NR3C2: variants seen among roughly 807,000 people sequenced by gnomAD.
NR3C2 encodes nuclear receptor subfamily 3 group C member 2, also known as mineralocorticoid receptor.
In NR3C2, 15 loss-of-function variants were observed where a neutral mutation model predicts 86.4. The ratio of observed to expected loss-of-function variants is 0.17; its 90% confidence interval spans 0.12 to 0.27. The LOEUF (loss-of-function observed/expected upper bound fraction) is 0.27, where lower values mean the gene tolerates loss of function less well. Ranked by LOEUF, NR3C2 falls within the 10% of genes least tolerant of loss-of-function variation. The pLI, the probability that NR3C2 is intolerant of heterozygous loss-of-function variation, is 1.00. For synonymous variants in NR3C2, 458 were observed against 450.5 expected (o/e 1.02, Z -0.21); for missense variants, 960 against 1,195.6 (o/e 0.80, Z 2.91).
chr4:148,089,994 C>T (rs1270097252), intron 8 of NR3C2, among the ~76,000 whole-genome samples: 1 of 152,210 alleles, frequency 6.6e-6, no homozygotes, highest in South Asian at 2.1e-4. Context: ...ACCACAAGGA[C>T]GAGTGTCTGG....
At chr4:148,443,456 G>C (rs1026880802), upstream of NR3C2, among the ~76,000 whole-genome samples, 6 of 152,138 alleles carry the variant, frequency 3.9e-5, no homozygotes, top group South Asian at 4.2e-4. Context: ...CAGACAGGAG[G>C]GGGGAAGGAA....
intron 2 of NR3C2, among the ~76,000 whole-genome samples, chr4:148,394,591 C>T (rs1409216410): frequency 6.6e-6 from 1 of 151,626 alleles, no homozygotes; most frequent in African/African-American, 2.4e-5. Flanking sequence ...ACCCAGAAGG[C>T]TAAGGTGGGA....
intron 2 of NR3C2, among the ~76,000 whole-genome samples, chr4:148,290,347 A>C (rs1046209611): frequency 4.6e-5 from 7 of 152,090 alleles, no homozygotes; most frequent in African/African-American, 1.4e-4. Context: ...ACAACATACA[A>C]ATTTGGTGGG....
chr4:148,359,675 C>G (rs140512281), intron 2 of NR3C2, among the ~76,000 whole-genome samples: 9 of 152,310 alleles, frequency 5.9e-5, no homozygotes, highest in Non-Finnish European at 1.0e-4. Flanking sequence ...CTCCCACTTT[C>G]TCCATATTTT....
upstream of NR3C2, chr4:148,443,942 G>A (rs943663197): frequency 9.4e-6 from 9 of 960,508 alleles, no homozygotes; most frequent in Non-Finnish European, 1.1e-5. Flanking sequence ...CGGCAGCGCC[G>A]CGAGCTGGTC....
chr4:148,221,162 C>T (rs1426331587), intron 3 of NR3C2, among the ~76,000 whole-genome samples: 1 of 152,246 alleles, frequency 6.6e-6, no homozygotes, highest in African/African-American at 2.4e-5. Flanking sequence ...TCAGCTTGCT[C>T]ATCTATCTCC....
chr4:148,142,427 A>G (rs960320278), intron 6 of NR3C2, among the ~76,000 whole-genome samples: 1 of 152,072 alleles, frequency 6.6e-6, no homozygotes, highest in African/African-American at 2.4e-5. Flanking sequence ...GTCTCATGTT[A>G]AATTGTAATC....
At chr4:148,259,320 A>G (rs1739980557) in intron 3 of NR3C2, among the ~76,000 whole-genome samples, 1 of 152,250 alleles carries the variant, frequency 6.6e-6, no homozygotes. Flanking sequence ...CTAACTGCTT[A>G]TAAGTGAGGA....
intron 4 of NR3C2, among the ~76,000 whole-genome samples, chr4:148,189,031 G>A (rs1279357304): frequency 2.7e-5 from 4 of 150,782 alleles, no homozygotes; most frequent in South Asian, 2.1e-4. Context: ...GGGTTCATGC[G>A]ATTCTCCTGC....
At chr4:148,408,225 T>C (rs781385570) in intron 2 of NR3C2, among the ~76,000 whole-genome samples, 2 of 152,122 alleles carry the variant, frequency 1.3e-5, no homozygotes, top group African/African-American at 2.4e-5. Context: ...AGGAAAGGGG[T>C]GTTACATGTC....
At chr4:148,082,028 C>T (rs1359011109) in intron 8 of NR3C2, among the ~76,000 whole-genome samples, 1 of 152,218 alleles carries the variant, frequency 6.6e-6, no homozygotes, top group African/African-American at 2.4e-5. Flanking sequence ...AAGGGGCCAG[C>T]TGGCACTTCC....
intron 2 of NR3C2, among the ~76,000 whole-genome samples, chr4:148,299,452 T>C (rs1471590789): frequency 6.6e-6 from 1 of 152,142 alleles, no homozygotes; most frequent in Non-Finnish European, 1.5e-5. Context: ...GGGACTGTAA[T>C]GGCACCACCT....
intron 3 of NR3C2, among the ~76,000 whole-genome samples, chr4:148,195,836 T>A (rs28696003): frequency 0.031 from 4,656 of 151,432 alleles, 248 homozygotes; most frequent in African/African-American, 0.11. Context: ...GAGAAGAGAG[T>A]AAGAAAAGAC....
chr4:148,385,661 GAGAA>G (rs1388447684), intron 2 of NR3C2, among the ~76,000 whole-genome samples: 1 of 152,108 alleles, frequency 6.6e-6, no homozygotes, highest in African/African-American at 2.4e-5. Flanking sequence ...GAAAGAGAGA[GAGAA>G]AGACAGATAT....
intron 4 of NR3C2, among the ~76,000 whole-genome samples, chr4:148,189,492 G>A (rs867548328): frequency 1.3e-5 from 2 of 152,140 alleles, no homozygotes; most frequent in African/African-American, 4.8e-5. Context: ...ATATCAGTCT[G>A]TAGTTTTCTT....
At chr4:148,127,719 A>G (rs1732818369) in intron 6 of NR3C2, among the ~76,000 whole-genome samples, 1 of 152,230 alleles carries the variant, frequency 6.6e-6, no homozygotes, top group Non-Finnish European at 1.5e-5. Context: ...CAGCAGCCAA[A>G]GTGGGTCTAG....
intron 2 of NR3C2, among the ~76,000 whole-genome samples, chr4:148,281,971 T>C (rs1489875105): frequency 2.6e-5 from 4 of 152,234 alleles, no homozygotes; most frequent in African/African-American, 4.8e-5. Flanking sequence ...CCTTGAAGCA[T>C]TGGTAAGATT....
In NR3C2 at chr4:148,279,552, A is replaced by T. The variant is rs77989049; in HGVS notation, c.1758-19435T>A. Reference sequence around the variant, plus strand: ...CCAAGCCCTAGGTCTTCCATTTCACAGTATCAACCAGAAAGATTCAAAGTC... The same window carrying T: ...CCAAGCCCTAGGTCTTCCATTTCACTGTATCAACCAGAAAGATTCAAAGTC... On this transcript the variant is annotated intron_variant, in intron 2 of 8. Coordinates refer to ENST00000358102, the MANE Select transcript of NR3C2 (RefSeq NM_000901.5). Among the ~76,000 whole-genome samples, 169 of 152,344 alleles carry T rather than the reference A, an allele frequency of 1.1e-3. 4 individuals carry two copies. The East Asian group carries it at 0.03, about 27-fold the overall frequency.
intron 2 of NR3C2, among the ~76,000 whole-genome samples, chr4:148,300,727 C>A (rs4835134): frequency 0.2 from 30,595 of 151,908 alleles, 3,226 homozygotes; most frequent in Admixed American, 0.28. Context: ...CATGTGCCAC[C>A]ATGCCCAGCT....
Sources: gnomAD v4.1 joint callset for allele counts (sites outside exome capture counted in the v4.1 genomes callset) on GRCh38, gnomAD v4.1.1 for gene constraint, MANE v1.5 for transcripts, NCBI Gene and HGNC (gene_info 2026-07-23, HGNC 2026-07-21) for gene names.